RNF123: variants seen among roughly 807,000 people sequenced by gnomAD.
RNF123 encodes the protein E3 ubiquitin-protein ligase RNF123.
RNF123 carries 86 observed loss-of-function variants against 168.5 expected under a neutral mutation model. The ratio of observed to expected loss-of-function variants is 0.51; its 90% CI spans 0.43 to 0.61. The LOEUF is 0.61. RNF123 is among the 20% of genes least tolerant of loss of function. RNF123 has a pLI of 0.00. For missense variants in RNF123, 1,419 were observed against 1,729.7 expected, an observed-to-expected ratio of 0.82 and a Z score of 3.19; for synonymous variants, 666 against 689.1, an observed-to-expected ratio of 0.97 and a Z score of 0.52.
At position 49,704,656 on chromosome 3, in the gene RNF123, T is replaced by G. The variant is rs984052502; in HGVS notation, c.1859T>G (p.Leu620Arg). ...CTCCTGCTCTTCCTCCCAGATGACC[T>G]TGCTTCCAAAGCCAACATTGTGATC... ...SHLRKTLKDD[L>R]ASKANIVIDP... The change falls in exon 22 of 39, where the codon CTT (leucine) becomes CGT (arginine). Residue 620 changes from leucine to arginine, a missense_variant. Physicochemically the swap from Leu to Arg is moderately radical, Grantham distance 102 (BLOSUM62 -2). Coordinates refer to ENST00000327697, the MANE Select transcript of RNF123 (RefSeq NM_022064.5). 1 of 1,609,406 alleles carries G rather than the reference T, an allele frequency of 6.2e-7. No homozygotes were observed. The highest frequency in any genetic ancestry group is 8.5e-7 in the Non-Finnish European group (1 of 1,177,920).
At chr3:49,720,414 C>A in intron 35 of RNF123, 97 bp from the exon 36 acceptor site, 1 of 1,253,398 alleles carries the variant, frequency 8.0e-7, no homozygotes, top group Non-Finnish European at 1.1e-6. Context: ...GGGGGGTGAT[C>A]ATGTACGAGC....
chr3:49,718,368 C>T, intron 35 of RNF123: 1 of 1,613,404 alleles, frequency 6.2e-7, no homozygotes, highest in Non-Finnish European at 8.5e-7. Flanking sequence ...TCACGTTGTA[C>T]TCGTGCGTCT....
chr3:49,719,694 T>G (rs751989654), intron 35 of RNF123: 8 of 512,942 alleles, frequency 1.6e-5, no homozygotes, highest in Non-Finnish European at 2.5e-5. Context: ...CCAAGCGAGT[T>G]CCTGATCGGC....
At position 49,715,806 on chromosome 3, in the gene RNF123, C is replaced by T. The variant is rs377639906; in HGVS notation, c.3151-16C>T. ...CCAGGTGCTGACCACTGCATGCCCA[C>T]GTGTTGGTGGCTCAGATCCAGCAGG... On this transcript the variant is annotated splice_polypyrimidine_tract_variant and intron_variant, in intron 32 of 38. Transcript: ENST00000327697. The T allele has an allele frequency of 4.6e-5, 74 of 1,613,852 alleles. 1 individual carries two copies. In the Middle Eastern group the frequency reaches 1.5e-3, roughly 32 times the overall value.
chr3:49,715,502 C>A, intron 31 of RNF123, 73 bp from the exon 32 acceptor site: 1 of 1,578,372 alleles, frequency 6.3e-7, no homozygotes, highest in Non-Finnish European at 8.7e-7. Flanking sequence ...CCTCAATGGG[C>A]GAGGACAGAG....
chr3:49,697,588 C>T (rs966098687), intron 5 of RNF123, 131 bp downstream of exon 5: 4 of 734,118 alleles, frequency 5.4e-6, no homozygotes, highest in African/African-American at 3.6e-5. Flanking sequence ...GACGTGGCCC[C>T]AGACCATTGT....
chr3:49,702,312 C>T (rs1301688487), intron 18 of RNF123, 22 bp from the exon 19 acceptor site: 1 of 1,613,588 alleles, frequency 6.2e-7, no homozygotes. Flanking sequence ...TCAGCACAGC[C>T]TCACTTTTCC....
chr3:49,697,049 C>T lies in RNF123; in HGVS notation c.168-94C>T, dbSNP rs764263330. On this transcript the variant is annotated intron_variant, in intron 3 of 38. Transcript: ENST00000327697. Reference sequence around the variant, plus strand: ...AGCCCTTTTTCTGGAGTCTAGGCAGCCCCCCTGTGAGCTCAGGGGAAAGGA... The same window carrying T: ...AGCCCTTTTTCTGGAGTCTAGGCAGTCCCCCTGTGAGCTCAGGGGAAAGGA... 9.6e-6 allele frequency: 10 copies of T among 1,041,546 alleles called. No individual in the cohort carries two copies. The Admixed American group carries it at 1.5e-4, about 16-fold the overall frequency. The allele number at this position is 1,041,546 out of a possible 1,614,324, so 64.5% of individuals were successfully genotyped here.
In RNF123 at chr3:49,691,207, C is replaced by T. The variant is rs1559667184; in HGVS notation, c.42C>T (p.Ser14=). Residue 14 remains serine, a synonymous_variant, in exon 2 of 39, where the codon AGC becomes AGT. Transcript: ENST00000327697. The part of the protein sequence containing the change: ...KGAGMSFSRK[S]YRLTSDAEKS... The stretch of plus-strand genomic sequence containing the variant: ...CCGGCATGTCTTTCTCCCGCAAGAG[C>T]TATAGGCTGACCTCAGATGCTGAGA... 5 of 1,613,962 alleles carry T rather than the reference C, an allele frequency of 3.1e-6. No homozygotes were observed. The South Asian group carries it at 5.5e-5, about 18-fold the overall frequency.
At chr3:49,698,311 C>G (rs1289434792) in intron 7 of RNF123, 129 bp from the exon 8 acceptor site, 59 of 950,712 alleles carry the variant, frequency 6.2e-5, no homozygotes, top group Non-Finnish European at 1.6e-6. Flanking sequence ...CAGAGAATAC[C>G]TCTTACTCTT....
Position 49,704,735 on chromosome 3 carries a change from G to A in RNF123, c.1938G>A (p.Glu646=). 1 of 1,584,782 alleles carries A rather than the reference G, an allele frequency of 6.3e-7. No individual in the cohort carries two copies. Among genetic ancestry groups the A allele is most frequent in the African/African-American group, 1.3e-5 (1 of 74,702 alleles). ...TAMDDLDEDE[E]PAPAMAQRPM... ...TGGATGACCTAGATGAGGATGAGGA[G>A]CCAGCCCCAGCTATGGCCCAGGTGC... The change falls in exon 22 of 39, where the codon GAG becomes GAA. Residue 646 remains glutamate, a synonymous_variant. Coordinates refer to ENST00000327697, the MANE Select transcript of RNF123 (RefSeq NM_022064.5).
rs867220548 is a variant in RNF123, at chr3:49,702,140, A to G, written c.1553A>G (p.Asn518Ser). The G allele has an allele frequency of 7.4e-6, 12 of 1,613,096 alleles. No individual in the cohort carries two copies. The highest frequency in any genetic ancestry group is 1.7e-4 in the Middle Eastern group (1 of 6,060). Residue 518 changes from asparagine to serine, a missense_variant, in exon 18 of 39, where the codon AAT (asparagine) becomes AGT (serine). This residue lies in a region of RNF123 where 349 missense variants were observed against 344.9 expected (regional missense o/e 1.01). Coordinates refer to ENST00000327697, the MANE Select transcript of RNF123 (RefSeq NM_022064.5). ...LKLLLDNKDD[N>S]GGEASRYIFL... ...CTGCTGCTGGACAATAAAGATGACAATGGGGTGAGTGACTCCCAGGAGCCC... is the reference window on the plus strand; with the variant it reads ...CTGCTGCTGGACAATAAAGATGACAGTGGGGTGAGTGACTCCCAGGAGCCC...
At chr3:49,717,765 G>T in intron 35 of RNF123, 1 of 674,680 alleles carries the variant, frequency 1.5e-6, no homozygotes, top group Non-Finnish European at 2.5e-6. Flanking sequence ...CAGAAGGCAG[G>T]TTGGGGACCA....
rs553737152 is a variant in RNF123, at chr3:49,691,054, C to T, written c.-36-76C>T. Reference sequence around the variant, plus strand: ...TGGCCTCACCTGCTCCCAAGCCTTCCTGCCATGGCAGGACTGAGGTCAGGT... The same window carrying T: ...TGGCCTCACCTGCTCCCAAGCCTTCTTGCCATGGCAGGACTGAGGTCAGGT... On this transcript the variant is annotated intron_variant, in intron 1 of 38. Coordinates refer to ENST00000327697, the MANE Select transcript of RNF123 (RefSeq NM_022064.5). The T allele has an allele frequency of 3.5e-4, 300 of 852,076 alleles. 1 individual carries two copies. In the African/African-American group the frequency reaches 4.3e-3, roughly 12 times the overall value. The allele number at this position is 852,076 out of a possible 1,614,324, so 52.8% of individuals were successfully genotyped here.
intron 1 of RNF123, 135 bp from the exon 2 acceptor site, chr3:49,690,995 A>G: frequency 1.7e-6 from 1 of 597,182 alleles, no homozygotes; most frequent in Non-Finnish European, 3.0e-6. Context: ...GAGCCCCTGC[A>G]TTCCCCTGCC....
intron 25 of RNF123, 109 bp from the exon 26 acceptor site, chr3:49,706,682 C>T (rs2054526970): frequency 4.3e-6 from 4 of 926,330 alleles, no homozygotes; most frequent in African/African-American, 1.6e-5. Context: ...AGCCCAATCC[C>T]TTGCCTGCTC....
chr3:49,712,396 G>A, intron 26 of RNF123, 83 bp from the exon 27 acceptor site: 5 of 1,378,752 alleles, frequency 3.6e-6, no homozygotes, highest in Non-Finnish European at 4.0e-6. Context: ...GCCTGGGGAG[G>A]CCTTTCCTGA....
At chr3:49,697,053 C>T (rs754140458) in intron 3 of RNF123, 90 bp from the exon 4 acceptor site, 8 of 1,108,972 alleles carry the variant, frequency 7.2e-6, no homozygotes, top group East Asian at 4.9e-5. Flanking sequence ...AGGCAGCCCC[C>T]CTGTGAGCTC....
chr3:49,718,978 TAG>T, intron 35 of RNF123: 1 of 1,613,660 alleles, frequency 6.2e-7, no homozygotes, highest in South Asian at 1.1e-5. Flanking sequence ...GCAGCCCAGG[TAG>T]AGATGGCTGA....
Sources: gnomAD v4.1 joint callset for allele counts on GRCh38, gnomAD v4.1.1 for gene constraint, gnomAD v4.1.1 regional missense constraint, MANE v1.5 for transcripts, NCBI Gene and HGNC (gene_info 2026-07-23, HGNC 2026-07-21) for gene names.